ADCY8: variants seen among roughly 807,000 people sequenced by gnomAD.
The protein encoded by ADCY8 is adenylate cyclase type 8.
In ADCY8, 51 loss-of-function variants were observed where a neutral mutation model predicts 119.7. The ratio of observed to expected loss-of-function variants is 0.43; its 90% CI spans 0.34 to 0.54. The LOEUF is 0.54. Ranked by LOEUF, ADCY8 falls within the 20% of genes least tolerant of loss-of-function variation. The pLI is 0.03. For synonymous variants in ADCY8, 665 were observed against 651.0 expected, an observed-to-expected ratio of 1.02 and a Z score of -0.33; for missense variants, 1,383 against 1,598.8, an observed-to-expected ratio of 0.87 and a Z score of 2.30.
chr8:130,839,974 A>G (rs1034177714), intron 11 of ADCY8, among the ~76,000 whole-genome samples: 4 of 140,408 alleles, frequency 2.8e-5, no homozygotes, highest in Admixed American at 7.3e-5. Flanking sequence ...GGACTTAAAG[A>G]CAAGATCTTG....
At chr8:130,891,199 T>C (rs6415520) in intron 7 of ADCY8, among the ~76,000 whole-genome samples, 71,521 of 151,874 alleles carry the variant, frequency 0.47, 18,360 homozygotes, top group East Asian at 0.62. Flanking sequence ...TATTTTAAAC[T>C]TGATGCCTGC....
intron 1 of ADCY8, among the ~76,000 whole-genome samples, chr8:130,994,434 T>C (rs2130749676): frequency 6.6e-6 from 1 of 152,372 alleles, no homozygotes; most frequent in East Asian, 1.9e-4. Flanking sequence ...GAATTCATGT[T>C]GCTCTGATAG....
intron 2 of ADCY8, among the ~76,000 whole-genome samples, chr8:130,964,117 C>T (rs1331902731): frequency 1.3e-5 from 2 of 152,188 alleles, no homozygotes. Context: ...GACCTGCATC[C>T]TTCTGCCTCA....
intron 9 of ADCY8, among the ~76,000 whole-genome samples, chr8:130,856,047 A>G (rs1817720442): frequency 6.6e-6 from 1 of 151,926 alleles, no homozygotes; most frequent in African/African-American, 2.4e-5. Flanking sequence ...AGAATGCTCT[A>G]TTTCCAGCCC....
At chr8:130,877,415 T>C (rs1818609144) in intron 8 of ADCY8, among the ~76,000 whole-genome samples, 1 of 152,170 alleles carries the variant, frequency 6.6e-6, no homozygotes, top group Non-Finnish European at 1.5e-5. Context: ...TGCTCTGAGC[T>C]GTTCCTGATG....
At chr8:131,027,815 G>C (rs551751862) in intron 1 of ADCY8, among the ~76,000 whole-genome samples, 1 of 152,304 alleles carries the variant, frequency 6.6e-6, no homozygotes, top group Non-Finnish European at 1.5e-5. Context: ...GTGAGATAAT[G>C]TGAAGTCATA....
chr8:130,791,863 C>A (rs1815435951), intron 15 of ADCY8, among the ~76,000 whole-genome samples: 1 of 152,250 alleles, frequency 6.6e-6, no homozygotes, highest in South Asian at 2.1e-4. Context: ...ATCCATCTCA[C>A]CCTCTCTGCT....
intron 16 of ADCY8, among the ~76,000 whole-genome samples, 192 bp downstream of exon 16, chr8:130,785,191 C>T (rs555816121): frequency 7.6e-4 from 116 of 152,324 alleles, no homozygotes; most frequent in African/African-American, 2.7e-3. Context: ...AAAAAAGCAG[C>T]GTGGCTTCAT....
At chr8:130,807,157 G>A (rs1283596578) in intron 14 of ADCY8, among the ~76,000 whole-genome samples, 1 of 152,212 alleles carries the variant, frequency 6.6e-6, no homozygotes, top group Non-Finnish European at 1.5e-5. Context: ...GCATATGTCA[G>A]TATGAGGACT....
At chr8:130,802,902 C>T (rs1815826696) in intron 14 of ADCY8, among the ~76,000 whole-genome samples, 1 of 152,226 alleles carries the variant, frequency 6.6e-6, no homozygotes, top group African/African-American at 2.4e-5. Flanking sequence ...CTCCCTCGCC[C>T]CTTGGGCCTG....
At chr8:130,832,496 GC>G (rs1816867940) in intron 12 of ADCY8, among the ~76,000 whole-genome samples, 1 of 152,156 alleles carries the variant, frequency 6.6e-6, no homozygotes, top group Non-Finnish European at 1.5e-5. Context: ...GCCTACGACT[GC>G]CAATTCACTA....
rs746130874 is a variant in ADCY8 at position 130,780,859 on chromosome 8, A to G, written c.3287T>C (p.Val1096Ala). ...ELRIGISHGSVVAGVIGAKKP... is the reference protein window; with the variant it reads ...ELRIGISHGSAVAGVIGAKKP... ...CTTAGCGCCGATAACGCCAGCTACC[A>G]CTGAGCCGTGGCTGATGCCTGGGGG... Residue 1096 changes from valine (V) to alanine (A), a missense_variant, in exon 18 of 18, where the codon GTG (valine) becomes GCG (alanine). Around this residue, in one of 2 missense-constraint regions of ADCY8, gnomAD observed 928 missense variants for 1,163.5 expected, o/e 0.80. Coordinates refer to ENST00000286355, the MANE Select transcript of ADCY8 (RefSeq NM_001115.3). 1 of 1,613,792 alleles carries G rather than the reference A, an allele frequency of 6.2e-7. No homozygotes were observed. Among genetic ancestry groups the G allele is most frequent in the Non-Finnish European group, 8.5e-7 (1 of 1,179,738 alleles).
At chr8:130,936,223 G>T (rs1269548741) in intron 5 of ADCY8, among the ~76,000 whole-genome samples, 1 of 152,068 alleles carries the variant, frequency 6.6e-6, no homozygotes, top group Non-Finnish European at 1.5e-5. Flanking sequence ...ACAATACTAA[G>T]ATTCTGTCTG....
chr8:130,840,362 G>A (rs1210653200), intron 11 of ADCY8, among the ~76,000 whole-genome samples: 1 of 138,142 alleles, frequency 7.2e-6, no homozygotes, highest in African/African-American at 2.5e-5. Flanking sequence ...AACATTGAGA[G>A]CCTACCATGT....
rs115542809 is a variant in ADCY8 at position 130,791,968 on chromosome 8, T to A, written c.3061-6493A>T. Among the ~76,000 whole-genome samples, 1,331 of 152,358 alleles carry A rather than the reference T, an allele frequency of 8.7e-3. 15 individuals are homozygous for A. The highest frequency in any genetic ancestry group is 0.03 in the African/African-American group (1,265 of 41,580). ...TTTCCTTTCTACTTGTCTCCTTTTT[T>A]TGCTGTACAACTTCTGAAAAGAGTT... On this transcript the variant is annotated intron_variant, in intron 15 of 17. Coordinates refer to ENST00000286355, the MANE Select transcript of ADCY8 (RefSeq NM_001115.3).
chr8:130,940,048 G>T (rs1034361843), intron 4 of ADCY8, among the ~76,000 whole-genome samples: 28 of 152,122 alleles, frequency 1.8e-4, no homozygotes, highest in African/African-American at 6.5e-4. Flanking sequence ...ATCTAAGTGG[G>T]GACAGGAGCT....
intron 1 of ADCY8, among the ~76,000 whole-genome samples, chr8:131,018,610 C>A (rs537137214): frequency 6.6e-6 from 1 of 152,316 alleles, no homozygotes; most frequent in South Asian, 2.1e-4. Flanking sequence ...AGGCTTGGCA[C>A]CACTCTGAGA....
chr8:130,955,235 A>G (rs1821392257), intron 2 of ADCY8, among the ~76,000 whole-genome samples: 1 of 152,200 alleles, frequency 6.6e-6, no homozygotes, highest in Non-Finnish European at 1.5e-5. Flanking sequence ...GGACTGAGTT[A>G]AGAGCTTCAT....
intron 1 of ADCY8, among the ~76,000 whole-genome samples, chr8:131,004,337 C>T (rs1280369984): frequency 6.6e-6 from 1 of 152,180 alleles, no homozygotes; most frequent in Non-Finnish European, 1.5e-5. Context: ...ACATGTACCT[C>T]CCATTCCCAC....
Sources: allele counts gnomAD v4.1 joint callset (sites outside exome capture counted in the v4.1 genomes callset), GRCh38; gene constraint gnomAD v4.1.1; regional missense constraint gnomAD v4.1.1; transcripts MANE v1.5; gene names NCBI Gene and HGNC (gene_info 2026-07-23, HGNC 2026-07-21).